Variants in TBC1D1 observed in about 807,000 individuals in gnomAD.
TBC1D1 encodes TBC1 domain family member 1.
A neutral mutation model predicts 125.6 loss-of-function variants in TBC1D1; 89 were observed. The observed-to-expected ratio is 0.71, with a 90% CI of 0.60 to 0.85. The LOEUF (loss-of-function observed/expected upper bound fraction) is 0.85. Ranked by LOEUF, TBC1D1 falls within the 40% of genes least tolerant of loss-of-function variation. TBC1D1 has a pLI of 0.00. For missense variants in TBC1D1, 1,377 were observed against 1,469.2 expected, an observed-to-expected ratio of 0.94 and a Z score of 1.03; for synonymous variants, 565 against 564.1, an observed-to-expected ratio of 1.00 and a Z score of -0.02.
Position 38,035,681 on chromosome 4 carries a change from A to G in TBC1D1, c.1396A>G (p.Ile466Val). 1 of 1,611,904 alleles carries G rather than the reference A, an allele frequency of 6.2e-7. No homozygotes were observed. Among genetic ancestry groups the G allele is most frequent in the Non-Finnish European group, 8.5e-7 (1 of 1,178,642 alleles). The stretch of plus-strand genomic sequence containing the variant: ...AGAGAAACAGAAAGAACACATCCAT[A>G]TTGGGGAGATGAAGCAGGTATGGCA... The change falls in exon 8 of 20, where the codon ATT becomes GTT. Residue 466 changes from isoleucine (I) to valine (V), a missense_variant. Transcript: ENST00000261439.
intron 12 of TBC1D1, among the ~76,000 whole-genome samples, chr4:38,087,020 T>G (rs1031395340): frequency 4.6e-5 from 7 of 152,212 alleles, no homozygotes; most frequent in Non-Finnish European, 1.0e-4. Context: ...TCACTGCACC[T>G]TATTTGTTTT....
rs201900193 is a variant in TBC1D1, at chr4:37,960,862, G to A, written c.418-53647G>A. On this transcript the variant is annotated intron_variant, in intron 2 of 19. Coordinates refer to ENST00000261439, the MANE Select transcript of TBC1D1 (RefSeq NM_015173.4). ...CAGATTGCACACCTCCCCTTGAGTG[G>A]AGTGCCTCTCATGATCCTTGATGAG... is the stretch of plus-strand genomic sequence containing the variant. The A allele has an allele frequency of 1.4e-4, 221 of 1,614,180 alleles. No individual in the cohort carries two copies. Among genetic ancestry groups the A allele is most frequent in the Admixed American group, 8.7e-4 (52 of 60,016 alleles).
At chr4:37,986,390 A>C (rs1735457731) in intron 2 of TBC1D1, among the ~76,000 whole-genome samples, 1 of 152,226 alleles carries the variant, frequency 6.6e-6, no homozygotes, top group African/African-American at 2.4e-5. Flanking sequence ...CTGTTTTACT[A>C]AAATCAAAAC....
At chr4:37,968,528 A>C (rs1448680483) in intron 2 of TBC1D1, among the ~76,000 whole-genome samples, 1 of 152,246 alleles carries the variant, frequency 6.6e-6, no homozygotes, top group African/African-American at 2.4e-5. Context: ...GTTGACATGG[A>C]TATATCAAGG....
At chr4:37,941,448 A>G (rs1725552316) in intron 2 of TBC1D1, among the ~76,000 whole-genome samples, 1 of 151,930 alleles carries the variant, frequency 6.6e-6, no homozygotes, top group Non-Finnish European at 1.5e-5. Context: ...CGGTCTATCA[A>G]TTTTATCGAT....
chr4:38,030,861 A>G (rs1249053014), intron 7 of TBC1D1, among the ~76,000 whole-genome samples: 1 of 152,184 alleles, frequency 6.6e-6, no homozygotes, highest in Admixed American at 6.5e-5. Context: ...TTTAAGGATC[A>G]TGTAAATGAA....
At chr4:38,024,794 T>C (rs1744749628) in intron 6 of TBC1D1, among the ~76,000 whole-genome samples, 1 of 152,234 alleles carries the variant, frequency 6.6e-6, no homozygotes, top group African/African-American at 2.4e-5. Context: ...TAGCAGGAAG[T>C]TATATGGTCT....
intron 2 of TBC1D1, among the ~76,000 whole-genome samples, chr4:37,938,974 C>T (rs1305311440): frequency 5.9e-5 from 9 of 152,080 alleles, no homozygotes; most frequent in Non-Finnish European, 4.4e-5. Context: ...TGAATAGTGC[C>T]GCAATAAACA....
chr4:38,048,785 G>A (rs1473426182), intron 10 of TBC1D1, among the ~76,000 whole-genome samples: 2 of 152,026 alleles, frequency 1.3e-5, no homozygotes, highest in African/African-American at 4.8e-5. Context: ...CACGTCCTGG[G>A]TGCAGTGTTA....
intron 6 of TBC1D1, among the ~76,000 whole-genome samples, chr4:38,024,966 G>A (rs1744787948): frequency 6.6e-6 from 1 of 152,160 alleles, no homozygotes; most frequent in African/African-American, 2.4e-5. Context: ...GCTGCACTCT[G>A]CTCTAATTGC....
intron 3 of TBC1D1, 133 bp downstream of exon 3, chr4:38,015,106 C>A: frequency 1.3e-6 from 1 of 777,356 alleles, no homozygotes; most frequent in Non-Finnish European, 2.0e-6. Context: ...TCATGCTGAA[C>A]AATTCTATTC....
chr4:38,040,904 G>T (rs141865345), intron 8 of TBC1D1, among the ~76,000 whole-genome samples: 2 of 152,166 alleles, frequency 1.3e-5, no homozygotes, highest in African/African-American at 4.8e-5. Context: ...TGTATTTCCC[G>T]TGGACCTGCC....
chr4:38,001,747 A>G (rs1013191862), intron 2 of TBC1D1, among the ~76,000 whole-genome samples: 4 of 152,224 alleles, frequency 2.6e-5, no homozygotes, highest in African/African-American at 4.8e-5. Flanking sequence ...AGTTCTTATT[A>G]TATCGCGATA....
At chr4:38,049,479 T>G in intron 10 of TBC1D1, 139 bp from the exon 11 acceptor site, 1 of 992,442 alleles carries the variant, frequency 1.0e-6, no homozygotes, top group Non-Finnish European at 1.5e-6. Context: ...TTCTTCTGCT[T>G]TTGGTGGTGG....
chr4:37,994,877 A>G (rs908201618), intron 2 of TBC1D1, among the ~76,000 whole-genome samples: 1 of 151,988 alleles, frequency 6.6e-6, no homozygotes, highest in African/African-American at 2.4e-5. Flanking sequence ...CAATCCTTAA[A>G]TCTTTTTCAC....
chr4:37,932,833 G>A (rs1723538815), intron 2 of TBC1D1, among the ~76,000 whole-genome samples: 1 of 152,168 alleles, frequency 6.6e-6, no homozygotes, highest in African/African-American at 2.4e-5. Flanking sequence ...TGAAGTGGGA[G>A]ATCATTTGAG....
At chr4:37,966,818 C>T (rs988884766) in intron 2 of TBC1D1, among the ~76,000 whole-genome samples, 13 of 152,136 alleles carry the variant, frequency 8.5e-5, no homozygotes, top group African/African-American at 3.1e-4. Flanking sequence ...CTGGAGACAC[C>T]TTTTATCTAA....
intron 2 of TBC1D1, among the ~76,000 whole-genome samples, chr4:37,935,165 T>C (rs758189224): frequency 1.3e-5 from 2 of 152,164 alleles, no homozygotes; most frequent in Non-Finnish European, 2.9e-5. Flanking sequence ...CAATGAGTAT[T>C]TGTAGCAATA....
chr4:37,992,957 A>C (rs990598626), intron 2 of TBC1D1, among the ~76,000 whole-genome samples: 1 of 151,506 alleles, frequency 6.6e-6, no homozygotes, highest in Non-Finnish European at 1.5e-5. Context: ...GGCGTGTGTC[A>C]TCATGCCCAG....
Sources: allele counts gnomAD v4.1 joint callset (sites outside exome capture counted in the v4.1 genomes callset), GRCh38; gene constraint gnomAD v4.1.1; transcripts MANE v1.5; gene names NCBI Gene and HGNC (gene_info 2026-07-23, HGNC 2026-07-21).